The following RAB3IP variants were observed in gnomAD, a reference collection of about 807,000 sequenced individuals.
RAB3IP encodes RAB3A interacting protein.
RAB3IP carries 36 observed loss-of-function variants against 59.1 expected under a neutral mutation model. The observed-to-expected ratio is 0.61, with a 90% confidence interval of 0.47 to 0.80. The LOEUF (loss-of-function observed/expected upper bound fraction) is 0.80. RAB3IP is among the 30% of genes least tolerant of loss of function. The pLI, the probability that RAB3IP is intolerant of heterozygous loss-of-function variation, is 0.00. For synonymous variants in RAB3IP, 207 were observed against 191.2 expected (o/e 1.08, Z -0.68); for missense variants, 511 against 536.0 (o/e 0.95, Z 0.46).
chr12:69,779,393 T>G (rs4761167), intron 3 of RAB3IP, among the ~76,000 whole-genome samples: 132,154 of 151,286 alleles, frequency 0.87, 58,061 homozygotes, highest in Admixed American at 0.93. Context: ...CTCACGCTGG[T>G]AGCTGTAGAC....
At chr12:69,760,052 T>G (rs1295399574) in intron 3 of RAB3IP, among the ~76,000 whole-genome samples, 1 of 152,172 alleles carries the variant, frequency 6.6e-6, no homozygotes, top group African/African-American at 2.4e-5. Context: ...AGGTTGTAGC[T>G]AGCCGAGATC....
chr12:69,795,054 A>G, intron 5 of RAB3IP, 87 bp from the exon 6 acceptor site: 5 of 931,154 alleles, frequency 5.4e-6, no homozygotes, highest in Non-Finnish European at 8.2e-6. Context: ...TTCATCTTTG[A>G]AAGTGTTTTG....
intron 3 of RAB3IP, among the ~76,000 whole-genome samples, chr12:69,760,776 C>T (rs1481157273): frequency 6.6e-6 from 1 of 152,048 alleles, no homozygotes; most frequent in Non-Finnish European, 1.5e-5. Flanking sequence ...TGCTGTTACC[C>T]TTACCTTTGT....
intron 10 of RAB3IP, among the ~76,000 whole-genome samples, chr12:69,815,016 G>C (rs1425759689): frequency 6.6e-6 from 1 of 152,064 alleles, no homozygotes; most frequent in Non-Finnish European, 1.5e-5. Context: ...AAGAAGATTC[G>C]TAAGTTAGAG....
chr12:69,801,916 G>A (rs1245538755), intron 8 of RAB3IP, among the ~76,000 whole-genome samples, 195 bp downstream of exon 8: 1 of 149,686 alleles, frequency 6.7e-6, no homozygotes, highest in Non-Finnish European at 1.5e-5. Context: ...CATTAAAGGA[G>A]AGCCCTTTTA....
At chr12:69,787,548 A>T (rs1439022191) in intron 4 of RAB3IP, among the ~76,000 whole-genome samples, 1 of 152,168 alleles carries the variant, frequency 6.6e-6, no homozygotes, top group Non-Finnish European at 1.5e-5. Flanking sequence ...TGCTTTATCT[A>T]CTGTGAAAAT....
chr12:69,745,952 T>C (rs1277377288), intron 1 of RAB3IP, among the ~76,000 whole-genome samples: 1 of 142,046 alleles, frequency 7.0e-6, no homozygotes, highest in Non-Finnish European at 1.6e-5. Flanking sequence ...TCTCAGCCTC[T>C]TTTTTTTATA....
At chr12:69,744,061 G>A (rs1178460740) in intron 1 of RAB3IP, among the ~76,000 whole-genome samples, 1 of 151,876 alleles carries the variant, frequency 6.6e-6, no homozygotes, top group Non-Finnish European at 1.5e-5. Flanking sequence ...AGGTATACAC[G>A]TGCCATGGTG....
intron 4 of RAB3IP, among the ~76,000 whole-genome samples, chr12:69,785,753 A>G (rs935347293): frequency 3.9e-5 from 6 of 152,218 alleles, no homozygotes; most frequent in Non-Finnish European, 8.8e-5. Flanking sequence ...GTTTGACTAC[A>G]TATTCGAGCA....
At chr12:69,781,373 C>T (rs1303202877) in intron 3 of RAB3IP, among the ~76,000 whole-genome samples, 1 of 152,152 alleles carries the variant, frequency 6.6e-6, no homozygotes, top group Non-Finnish European at 1.5e-5. Context: ...CCTCCATTGA[C>T]ACATTGTCTC....
chr12:69,757,439 C>G (rs1158652472), intron 3 of RAB3IP, among the ~76,000 whole-genome samples: 3 of 152,130 alleles, frequency 2.0e-5, no homozygotes, highest in Admixed American at 2.0e-4. Context: ...TTGCAAACCT[C>G]TAGCAAGACT....
At chr12:69,796,343 T>C (rs185330165) in intron 6 of RAB3IP, 42 of 211,688 alleles carry the variant, frequency 2.0e-4, no homozygotes, top group African/African-American at 8.8e-4. Context: ...AAAGATATGT[T>C]ACAAAGATAA....
At chr12:69,756,189 AATGTTCT>A (rs1870183897) in intron 2 of RAB3IP, among the ~76,000 whole-genome samples, 1 of 152,196 alleles carries the variant, frequency 6.6e-6, no homozygotes, top group Non-Finnish European at 1.5e-5. Context: ...TGTTGATGAA[AATGTTCT>A]ATTTCTGTGC....
In RAB3IP at chr12:69,815,407, G is replaced by A. The variant is rs370083807; in HGVS notation, c.1344G>A (p.Met448Ile). The A allele has an allele frequency of 6.2e-6, 10 of 1,613,142 alleles. No individual in the cohort carries two copies. Among genetic ancestry groups the A allele is most frequent in the Non-Finnish European group, 8.5e-6 (10 of 1,179,190 alleles). Residue 448 changes from methionine (M) to isoleucine (I), a missense_variant, in exon 11 of 11, where the codon ATG (methionine) becomes ATA (isoleucine). By Grantham distance (10) the Met-to-Ile change is conservative. Transcript: ENST00000247833. Reference sequence around the variant, plus strand: ...AGGTTATGCAGTTGAGAAAAGAGATGTCATTGGCAAAGCTGGGTTATTTCA... The same window carrying A: ...AGGTTATGCAGTTGAGAAAAGAGATATCATTGGCAAAGCTGGGTTATTTCA... ...FWEVMQLRKEMSLAKLGYFKE... is the reference protein window; with the variant it reads ...FWEVMQLRKEISLAKLGYFKE...
At chr12:69,805,372 CT>C (rs1879084185) in intron 8 of RAB3IP, among the ~76,000 whole-genome samples, 1 of 152,086 alleles carries the variant, frequency 6.6e-6, no homozygotes, top group South Asian at 2.1e-4. Flanking sequence ...GCTGAAGTTG[CT>C]TATCAGCTTA....
Position 69,820,973 on chromosome 12 carries a change from TAAAAA to T in RAB3IP, c.*5533_*5537del, listed in dbSNP as rs200147593. On this transcript the variant is annotated 3_prime_UTR_variant, in exon 11 of 11. Coordinates refer to ENST00000247833, the MANE Select transcript of RAB3IP (RefSeq NM_022456.5). ...AAACTCCATGAAAATTTGCAAAACT[TAAAAA>T]AAAAATGTAGAAGAGGACTAAACTT... is the stretch of plus-strand genomic sequence containing the variant. The T allele has an allele frequency of 2.7e-5, 4 of 146,854 alleles. No individual in the cohort carries two copies. The highest frequency in any genetic ancestry group is 5.0e-5 in the African/African-American group (2 of 39,904). The allele number at this position is 146,854 out of a possible 1,614,324, so 9.1% of individuals were successfully genotyped here.
intron 1 of RAB3IP, among the ~76,000 whole-genome samples, chr12:69,741,232 A>G (rs894164180): frequency 6.6e-5 from 10 of 152,098 alleles, no homozygotes; most frequent in Non-Finnish European, 1.5e-5. Flanking sequence ...TCCTCTGGAC[A>G]TTCCCGGGAT....
intron 1 of RAB3IP, among the ~76,000 whole-genome samples, chr12:69,750,213 T>G (rs115513765): frequency 2.0e-5 from 3 of 152,150 alleles, no homozygotes; most frequent in Non-Finnish European, 4.4e-5. Context: ...CTAGCTGTTA[T>G]GGGAGGAGCC....
intron 3 of RAB3IP, among the ~76,000 whole-genome samples, chr12:69,756,935 G>A (rs181000954): frequency 4.3e-4 from 65 of 152,294 alleles, no homozygotes; most frequent in African/African-American, 1.5e-3. Flanking sequence ...CGTATTATCT[G>A]TAATGCAGAT....
Sources: allele counts gnomAD v4.1 joint callset (sites outside exome capture counted in the v4.1 genomes callset), GRCh38; gene constraint gnomAD v4.1.1; transcripts MANE v1.5; gene names NCBI Gene and HGNC (gene_info 2026-07-23, HGNC 2026-07-21).